ADK: variants seen among roughly 807,000 people sequenced by gnomAD.
ADK encodes N6,N6-dimethyladenosine kinase.
A neutral mutation model predicts 44.7 loss-of-function variants in ADK; 24 were observed. The observed-to-expected ratio is 0.54, with a 90% CI of 0.39 to 0.76. The LOEUF is 0.76. Among genes scored for constraint, ADK ranks in the 30% least tolerant of loss-of-function variants. The pLI, the probability that ADK is intolerant of heterozygous loss-of-function variation, is 0.00. For synonymous variants in ADK, 128 were observed against 142.6 expected, an observed-to-expected ratio of 0.90 and a Z score of 0.73; for missense variants, 321 against 425.1, an observed-to-expected ratio of 0.76 and a Z score of 2.15.
At chr10:74,553,250 G>T (rs1323075818) in intron 7 of ADK, among the ~76,000 whole-genome samples, 1 of 127,166 alleles carries the variant, frequency 7.9e-6, no homozygotes, top group African/African-American at 3.1e-5. Flanking sequence ...CACCAGGCTG[G>T]AGTGCAGTGG....
rs532703732 is a variant in ADK at position 74,569,462 on chromosome 10, C to T, written c.727-19820C>T. Among the ~76,000 whole-genome samples, 72 of 152,246 alleles carry T rather than the reference C, an allele frequency of 4.7e-4. 2 individuals are homozygous for T. The South Asian group carries it at 7.7e-3, about 16-fold the overall frequency. ...TGCTGTTTCCTGACTTTTTAATGAT[C>T]GCCATTCTAACTGGTGTGAGATGGT... On this transcript the variant is annotated intron_variant, in intron 7 of 10. Transcript: ENST00000539909.
chr10:74,504,995 A>G (rs765334970), intron 6 of ADK, among the ~76,000 whole-genome samples: 9 of 152,066 alleles, frequency 5.9e-5, no homozygotes, highest in Non-Finnish European at 1.0e-4. Context: ...GAGGTGGATC[A>G]TCATAAACAT....
chr10:74,525,474 T>C (rs1341839333), intron 7 of ADK, 48 bp downstream of exon 7: 34 of 1,493,302 alleles, frequency 2.3e-5, no homozygotes, highest in Non-Finnish European at 3.1e-5. Flanking sequence ...TTTTTGTTTG[T>C]TTATTTCTGA....
intron 2 of ADK, among the ~76,000 whole-genome samples, chr10:74,203,794 A>T (rs993384868): frequency 3.3e-5 from 5 of 151,458 alleles, no homozygotes; most frequent in Non-Finnish European, 7.4e-5. Context: ...TTAATTTGAG[A>T]TCCCTCACAA....
chr10:74,396,083 C>T (rs867980270), intron 5 of ADK, among the ~76,000 whole-genome samples: 18 of 152,136 alleles, frequency 1.2e-4, no homozygotes, highest in African/African-American at 4.3e-4. Flanking sequence ...AACTTTTATA[C>T]TAATTTTATG....
chr10:74,686,701 G>A (rs2134250636), intron 10 of ADK, among the ~76,000 whole-genome samples: 1 of 152,024 alleles, frequency 6.6e-6, no homozygotes, highest in South Asian at 2.1e-4. Flanking sequence ...TTTTTTAGAT[G>A]GAGTCTTGCT....
At position 74,224,524 on chromosome 10, in the gene ADK, T is replaced by A. The variant is rs1317321629; in HGVS notation, c.141-14T>A. 2.5e-6 allele frequency: 4 copies of A among 1,612,350 alleles called. No individual in the cohort carries two copies. In the African/African-American group the frequency reaches 5.3e-5, roughly 22 times the overall value. ...GTGTGTATGAAGAGTGTAATTTTCG[T>A]TTCTGTTATACAGGTATTCTCTGAA... On this transcript the variant is annotated splice_polypyrimidine_tract_variant and intron_variant, in intron 2 of 10. Coordinates refer to ENST00000539909, the MANE Select transcript of ADK (RefSeq NM_006721.4).
At chr10:74,479,401 T>G (rs1223239506) in intron 6 of ADK, among the ~76,000 whole-genome samples, 6 of 151,434 alleles carry the variant, frequency 4.0e-5, no homozygotes, top group Non-Finnish European at 8.8e-5. Flanking sequence ...GTTGGTTTTT[T>G]TTTTTTTTTC....
chr10:74,355,633 T>C (rs1157802322), intron 4 of ADK, among the ~76,000 whole-genome samples: 4 of 152,226 alleles, frequency 2.6e-5, no homozygotes, highest in Admixed American at 2.6e-4. Context: ...CATATTGTCA[T>C]TTGGAAAAAT....
chr10:74,292,427 T>G (rs1839655270), intron 3 of ADK, among the ~76,000 whole-genome samples: 1 of 152,222 alleles, frequency 6.6e-6, no homozygotes, highest in African/African-American at 2.4e-5. Context: ...TATAGCACTC[T>G]GTGTCCTTAG....
At chr10:74,644,585 G>C (rs978679761) in intron 9 of ADK, among the ~76,000 whole-genome samples, 1 of 152,228 alleles carries the variant, frequency 6.6e-6, no homozygotes, top group East Asian at 1.9e-4. Flanking sequence ...CCAGGCTGGA[G>C]TTCAGGGATG....
At chr10:74,518,251 A>T (rs543157217) in intron 6 of ADK, among the ~76,000 whole-genome samples, 3 of 152,378 alleles carry the variant, frequency 2.0e-5, no homozygotes, top group Admixed American at 2.0e-4. Context: ...ACAGTGATAC[A>T]TCTTGAGACA....
intron 9 of ADK, among the ~76,000 whole-genome samples, chr10:74,647,494 G>A (rs985374476): frequency 2.6e-4 from 40 of 152,096 alleles, no homozygotes; most frequent in African/African-American, 1.2e-4. Flanking sequence ...ACTCTGTGCC[G>A]AATGAGCGGG....
intron 9 of ADK, among the ~76,000 whole-genome samples, chr10:74,632,746 A>T (rs1853487121): frequency 6.6e-6 from 1 of 152,126 alleles, no homozygotes; most frequent in African/African-American, 2.4e-5. Context: ...GATGGACATG[A>T]ATTCAGGGGC....
rs780566857 is a variant in ADK at position 74,416,041 on chromosome 10, C to T, written c.555+17462C>T. ...ACACACACATACATATATACACACA[C>T]ACACACACACACACACACACACACA... On this transcript the variant is annotated intron_variant, in intron 6 of 10. Transcript: ENST00000539909. Among the ~76,000 whole-genome samples, 407 of 141,644 alleles carry T rather than the reference C, an allele frequency of 2.9e-3. 2 individuals are homozygous for T. Among genetic ancestry groups the T allele is most frequent in the African/African-American group, 8.7e-3 (338 of 38,812 alleles). 92.9% of individuals were successfully genotyped at this position (141,644 alleles called of 152,430 possible). A position where few individuals can be genotyped will look rare whatever the true frequency, so the allele number is the denominator to read the frequency against.
intron 1 of ADK, among the ~76,000 whole-genome samples, chr10:74,162,558 TGTGTGA>T (rs1451864359): frequency 6.7e-5 from 10 of 149,496 alleles, no homozygotes; most frequent in African/African-American, 2.0e-4. Context: ...TGTGTGTGTG[TGTGTGA>T]GACAGAGTCT....
chr10:74,460,818 T>C (rs1846151984), intron 6 of ADK, among the ~76,000 whole-genome samples: 1 of 152,216 alleles, frequency 6.6e-6, no homozygotes, highest in African/African-American at 2.4e-5. Context: ...GCTTCTTTTA[T>C]TCATGAATTA....
intron 7 of ADK, among the ~76,000 whole-genome samples, chr10:74,570,837 G>A (rs1213371373): frequency 1.3e-5 from 2 of 152,102 alleles, no homozygotes; most frequent in African/African-American, 4.8e-5. Context: ...GAATAGGAGT[G>A]GTGAGAGAGG....
At chr10:74,643,380 G>A (rs1853943672) in intron 9 of ADK, among the ~76,000 whole-genome samples, 1 of 152,144 alleles carries the variant, frequency 6.6e-6, no homozygotes, top group African/African-American at 2.4e-5. Context: ...CATCTTATCT[G>A]TCTTCACTGG....
Sources: gnomAD v4.1 joint callset for allele counts (sites outside exome capture counted in the v4.1 genomes callset) on GRCh38, gnomAD v4.1.1 for gene constraint, MANE v1.5 for transcripts, NCBI Gene and HGNC (gene_info 2026-07-23, HGNC 2026-07-21) for gene names.